PHLDB2: variants seen among roughly 807,000 people sequenced by gnomAD.
PHLDB2 encodes pleckstrin homology like domain family B member 2, also known as pleckstrin homology-like domain family B member 2.
Under a neutral mutation model 123.6 loss-of-function variants are expected in PHLDB2, and 71 were observed. That is an observed-to-expected ratio of 0.57 (90% CI 0.47 to 0.70). PHLDB2 has a LOEUF of 0.70. PHLDB2 is among the 30% of genes least tolerant of loss of function. The pLI, the probability that PHLDB2 is intolerant of heterozygous loss-of-function variation, is 0.00. For synonymous variants in PHLDB2, 547 were observed against 541.6 expected, an observed-to-expected ratio of 1.01 and a Z score of -0.14; for missense variants, 1,446 against 1,519.5, an observed-to-expected ratio of 0.95 and a Z score of 0.80.
At chr3:111,816,158 G>A (rs1173528475) in intron 1 of PHLDB2, among the ~76,000 whole-genome samples, 1 of 152,186 alleles carries the variant, frequency 6.6e-6, no homozygotes, top group Non-Finnish European at 1.5e-5. Flanking sequence ...GGGCCCTCAT[G>A]GAGAACCTCC....
intron 1 of PHLDB2, among the ~76,000 whole-genome samples, chr3:111,793,028 C>T (rs72949173): frequency 0.049 from 7,534 of 152,238 alleles, 636 homozygotes; most frequent in African/African-American, 0.17. Context: ...AGGCCCATGG[C>T]GACCACTGCC....
chr3:111,746,044 A>T (rs1193497116), intron 1 of PHLDB2, among the ~76,000 whole-genome samples: 2 of 152,238 alleles, frequency 1.3e-5, no homozygotes, highest in Non-Finnish European at 2.9e-5. Context: ...CTGGAAAGGT[A>T]TTAAATAAGA....
chr3:111,787,184 C>T (rs562835416), intron 1 of PHLDB2, among the ~76,000 whole-genome samples: 1 of 152,298 alleles, frequency 6.6e-6, no homozygotes, highest in African/African-American at 2.4e-5. Context: ...TGACAGCCTA[C>T]TTGGCCTTTA....
intron 1 of PHLDB2, among the ~76,000 whole-genome samples, chr3:111,843,909 G>A (rs1036615421): frequency 1.3e-5 from 2 of 152,126 alleles, no homozygotes; most frequent in African/African-American, 4.8e-5. Context: ...TTCAATGGAA[G>A]ACTTGGCCTT....
chr3:111,756,603 A>G (rs1454047922), intron 1 of PHLDB2, among the ~76,000 whole-genome samples: 2 of 152,030 alleles, frequency 1.3e-5, no homozygotes, highest in African/African-American at 2.4e-5. Flanking sequence ...TCTTTATCCA[A>G]TTTGCCAGTC....
intron 1 of PHLDB2, among the ~76,000 whole-genome samples, chr3:111,866,151 TG>T (rs1448092984): frequency 6.6e-6 from 1 of 151,042 alleles, no homozygotes; most frequent in Non-Finnish European, 1.5e-5. Flanking sequence ...CCCGAGTAGC[TG>T]GGATTACAGG....
At chr3:111,873,840 C>T (rs1206106329) in intron 1 of PHLDB2, among the ~76,000 whole-genome samples, 1 of 152,102 alleles carries the variant, frequency 6.6e-6, no homozygotes, top group Admixed American at 6.5e-5. Flanking sequence ...AGTTAAATCA[C>T]TTTTAGGGGA....
chr3:111,760,672 G>A (rs1472002469), intron 1 of PHLDB2, among the ~76,000 whole-genome samples: 3 of 151,944 alleles, frequency 2.0e-5, no homozygotes, highest in Non-Finnish European at 4.4e-5. Flanking sequence ...TCTGCGATGT[G>A]TATACAGTTT....
intron 12 of PHLDB2, among the ~76,000 whole-genome samples, chr3:111,958,491 C>T (rs2071191469): frequency 6.6e-6 from 1 of 152,094 alleles, no homozygotes; most frequent in Admixed American, 6.6e-5. Flanking sequence ...TTTTCAGGTC[C>T]AATTAGCCAG....
At chr3:111,967,297 A>G (rs1202701479) in intron 14 of PHLDB2, among the ~76,000 whole-genome samples, 1 of 152,230 alleles carries the variant, frequency 6.6e-6, no homozygotes, top group Non-Finnish European at 1.5e-5. Flanking sequence ...CATGGCCTTC[A>G]GTTAGAAGAC....
intron 2 of PHLDB2, among the ~76,000 whole-genome samples, chr3:111,912,711 G>T (rs1394796127): frequency 6.6e-6 from 1 of 152,202 alleles, no homozygotes; most frequent in African/African-American, 2.4e-5. Context: ...GGAAGTTAGA[G>T]AATTAGTTTT....
chr3:111,885,169 G>T lies in PHLDB2; in HGVS notation c.1092G>T (p.Pro364=). ...FDQASYVGTN[P]SHSLLAGESD... The stretch of plus-strand genomic sequence containing the variant: ...AGGCTTCATATGTGGGGACAAACCC[G>T]AGTCATTCACTTCTTGCTGGAGAGT... Residue 364 remains proline (P), a synonymous_variant, in exon 2 of 18, where the codon CCG becomes CCT. Coordinates refer to ENST00000431670, the MANE Select transcript of PHLDB2 (RefSeq NM_001134438.2). 6.2e-7 allele frequency: 1 copy of T among 1,614,110 alleles called. No homozygotes were observed. Among genetic ancestry groups the T allele is most frequent in the Non-Finnish European group, 8.5e-7 (1 of 1,180,022 alleles).
At chr3:111,849,839 GCA>G (rs1314871558) in intron 2 of PHLDB2, among the ~76,000 whole-genome samples, 2 of 152,084 alleles carry the variant, frequency 1.3e-5, no homozygotes, top group Non-Finnish European at 1.5e-5. Context: ...GTCTTTTCCA[GCA>G]ACTTATATGG....
chr3:111,889,810 T>C (rs957429972), intron 2 of PHLDB2, among the ~76,000 whole-genome samples: 1 of 152,180 alleles, frequency 6.6e-6, no homozygotes, highest in Non-Finnish European at 1.5e-5. Flanking sequence ...ATAATCTCTA[T>C]AAACCAATCA....
At chr3:111,879,156 C>T (rs994599202) in intron 1 of PHLDB2, among the ~76,000 whole-genome samples, 7 of 152,112 alleles carry the variant, frequency 4.6e-5, no homozygotes, top group Non-Finnish European at 1.0e-4. Context: ...CCTCTGGTAA[C>T]ATTCAGCTGT....
intron 5 of PHLDB2, among the ~76,000 whole-genome samples, chr3:111,924,389 A>ATACT: frequency 6.6e-6 from 1 of 152,372 alleles, no homozygotes; most frequent in South Asian, 2.1e-4. Context: ...GCCAGGCAGG[A>ATACT]TACTGCCCAG....
rs772192986 is a variant in PHLDB2 at position 111,913,588 on chromosome 3, C to G, written c.1605C>G (p.Pro535=). 16 of 1,614,052 alleles carry G rather than the reference C, an allele frequency of 9.9e-6. No homozygotes were observed. The highest frequency in any genetic ancestry group is 1.7e-6 in the Non-Finnish European group (2 of 1,180,044). The change falls in exon 3 of 18, where the codon CCC becomes CCG. Residue 535 remains proline (P), a synonymous_variant. Transcript: ENST00000431670. ...LSQSSASFFT[P]RSTRNDELLS... is the part of the protein sequence containing the mutation. Reference sequence around the variant, plus strand: ...AGAGCAGTGCCAGCTTCTTTACCCCCAGGAGCACCAGGAATGATGAACTAC... The same window carrying G: ...AGAGCAGTGCCAGCTTCTTTACCCCGAGGAGCACCAGGAATGATGAACTAC...
intron 1 of PHLDB2, among the ~76,000 whole-genome samples, chr3:111,873,899 C>G (rs1268686639): frequency 6.6e-5 from 10 of 151,914 alleles, no homozygotes; most frequent in African/African-American, 4.8e-5. Flanking sequence ...GTGGTGGAGA[C>G]AGAAAAAGAT....
chr3:111,851,896 T>G (rs1250314154), intron 2 of PHLDB2, among the ~76,000 whole-genome samples: 2 of 151,992 alleles, frequency 1.3e-5, no homozygotes, highest in African/African-American at 4.8e-5. Flanking sequence ...AAATCTGCCT[T>G]GGCTTTACTG....
Sources: gnomAD v4.1 joint callset for allele counts (sites outside exome capture counted in the v4.1 genomes callset) on GRCh38, gnomAD v4.1.1 for gene constraint, MANE v1.5 for transcripts, NCBI Gene and HGNC (gene_info 2026-07-23, HGNC 2026-07-21) for gene names.